DAOA: variants seen among roughly 807,000 people sequenced by gnomAD.
DAOA encodes the protein D-amino acid oxidase activator.
DAOA carries 15 observed loss-of-function variants against 16.4 expected under a neutral mutation model. That is an observed-to-expected ratio of 0.91 (90% confidence interval 0.61 to 1.41). The LOEUF (loss-of-function observed/expected upper bound fraction) is 1.41. Among genes scored for constraint, DAOA ranks in the 40% most tolerant of loss-of-function variants. The pLI is 0.00. For missense variants in DAOA, 230 were observed against 176.8 expected (o/e 1.30, Z -1.71); for synonymous variants, 75 against 59.1 (o/e 1.27, Z -1.23).
chr13:105,484,383 T>A (rs7139958), intron 4 of DAOA, among the ~76,000 whole-genome samples: 50,593 of 151,972 alleles, frequency 0.33, 10,094 homozygotes, highest in East Asian at 0.6. Flanking sequence ...TTGCTGGGAT[T>A]ACAGGGAAGC....
chr13:105,477,109 A>C (rs1877393718), intron 4 of DAOA: 1 of 152,178 alleles, frequency 6.6e-6, no homozygotes, highest in Non-Finnish European at 1.5e-5. Context: ...TACATCTTTC[A>C]ATCAGGCTCA....
intron 4 of DAOA, among the ~76,000 whole-genome samples, chr13:105,487,492 C>A (rs1421395031): frequency 1.3e-5 from 2 of 151,810 alleles, no homozygotes; most frequent in African/African-American, 4.8e-5. Flanking sequence ...TTTTAGAAAT[C>A]ATTTCCTCTC....
At chr13:105,478,607 C>A (rs533710249) in intron 4 of DAOA, among the ~76,000 whole-genome samples, 2 of 152,150 alleles carry the variant, frequency 1.3e-5, no homozygotes, top group Admixed American at 6.6e-5. Flanking sequence ...TAGACTAGAA[C>A]CTTCTCTGCA....
At chr13:105,489,672 C>A in intron 4 of DAOA, 1 of 978,006 alleles carries the variant, frequency 1.0e-6, no homozygotes, top group Non-Finnish European at 1.5e-6. Context: ...TTTTCACAGT[C>A]TTTCTTTGAA....
intron 4 of DAOA, among the ~76,000 whole-genome samples, chr13:105,488,371 A>T (rs1247453522): frequency 6.6e-6 from 1 of 152,242 alleles, no homozygotes; most frequent in Non-Finnish European, 1.5e-5. Flanking sequence ...TAACGTGATT[A>T]TAATCTTTTT....
At position 105,490,016 on chromosome 13, in the gene DAOA, A is replaced by T; in HGVS notation, c.397A>T (p.Asn133Tyr). 8 of 1,610,946 alleles carry T rather than the reference A, an allele frequency of 5.0e-6. No homozygotes were observed. Among genetic ancestry groups the T allele is most frequent in the Non-Finnish European group, 6.8e-6 (8 of 1,178,574 alleles). ...GCCTCTAGAACGAATGTGGACCTGC[A>T]ACTACAACCAGCAAAAAGACCAGTC... is the stretch of plus-strand genomic sequence containing the variant. ...RQPLERMWTC[N>Y]YNQQKDQSCN... The change falls in exon 5 of 6, where the codon AAC becomes TAC. Residue 133 changes from asparagine (N) to tyrosine (Y), a missense_variant. Asn to Tyr is a moderately radical substitution (Grantham distance 143). Transcript: ENST00000375936.
intron 4 of DAOA, among the ~76,000 whole-genome samples, chr13:105,473,507 C>A (rs1393246521): frequency 6.6e-6 from 1 of 151,808 alleles, no homozygotes; most frequent in South Asian, 2.1e-4. Flanking sequence ...AATGTTTAAC[C>A]AAATAATTTA....
intron 4 of DAOA, chr13:105,475,169 A>C (rs1438837607): frequency 5.1e-6 from 2 of 389,274 alleles, no homozygotes; most frequent in Non-Finnish European, 7.0e-6. Context: ...TTCATTCTTA[A>C]ACCACACTCT....
chr13:105,485,649 G>A (rs1233115997), intron 4 of DAOA, among the ~76,000 whole-genome samples: 1 of 152,128 alleles, frequency 6.6e-6, no homozygotes, highest in Non-Finnish European at 1.5e-5. Context: ...CAGTTAAAAT[G>A]AGGTCATTAG....
chr13:105,487,249 C>T (rs906397447), intron 4 of DAOA, among the ~76,000 whole-genome samples: 24 of 152,114 alleles, frequency 1.6e-4, no homozygotes, highest in Non-Finnish European at 2.2e-4. Flanking sequence ...GCTTCTGCTC[C>T]CCATTGACTC....
chr13:105,469,007 T>C (rs1876737736), intron 3 of DAOA, among the ~76,000 whole-genome samples: 1 of 152,202 alleles, frequency 6.6e-6, no homozygotes, highest in Non-Finnish European at 1.5e-5. Context: ...ATCAAATCAA[T>C]CTTTACTTTA....
chr13:105,472,815 A>G (rs1877066061), intron 4 of DAOA, 130 bp downstream of exon 4: 1 of 734,348 alleles, frequency 1.4e-6, no homozygotes, highest in Non-Finnish European at 2.0e-6. Context: ...TATCTAGCTC[A>G]GAGATTATTT....
At chr13:105,479,075 A>G (rs1877533942) in intron 4 of DAOA, among the ~76,000 whole-genome samples, 1 of 152,198 alleles carries the variant, frequency 6.6e-6, no homozygotes, top group African/African-American at 2.4e-5. Context: ...GGTGCACAGG[A>G]CCATTTATCT....
In DAOA at chr13:105,466,720, C is replaced by G. The variant is rs72549466; in HGVS notation, c.45-333C>G. Among the ~76,000 whole-genome samples the G allele has an allele frequency of 1.5e-3, 226 of 152,168 alleles. 1 individual carries two copies. In the South Asian group the frequency reaches 0.016, roughly 11 times the overall value. ...TTAGCACTGTGTAGAACTGGGATAA[C>G]TTTGTGCTTATTTTGCAGTTAAAAG... is the stretch of plus-strand genomic sequence containing the variant. On this transcript the variant is annotated intron_variant, in intron 2 of 5. Transcript: ENST00000375936.
intron 4 of DAOA, among the ~76,000 whole-genome samples, chr13:105,485,090 T>A (rs1294249029): frequency 6.6e-6 from 1 of 152,184 alleles, no homozygotes; most frequent in Non-Finnish European, 1.5e-5. Flanking sequence ...AAATGTTTAA[T>A]GTTGATGTCA....
intron 4 of DAOA, among the ~76,000 whole-genome samples, chr13:105,473,237 C>A (rs7323828): frequency 0.8 from 121,233 of 151,806 alleles, 48,755 homozygotes; most frequent in East Asian, 1. Context: ...GATTATTTTC[C>A]ACTGTTTGAC....
At chr13:105,485,013 T>G (rs988475542) in intron 4 of DAOA, among the ~76,000 whole-genome samples, 12 of 152,200 alleles carry the variant, frequency 7.9e-5, no homozygotes, top group African/African-American at 2.7e-4. Context: ...GTTTGTTTTT[T>G]CTTATGGCAG....
At chr13:105,473,743 A>G (rs1877153432) in intron 4 of DAOA, among the ~76,000 whole-genome samples, 1 of 152,100 alleles carries the variant, frequency 6.6e-6, no homozygotes, top group African/African-American at 2.4e-5. Context: ...AAAGTAGTAG[A>G]GGCTATAGTT....
chr13:105,470,872 G>T (rs558782389), intron 3 of DAOA, among the ~76,000 whole-genome samples: 2 of 152,104 alleles, frequency 1.3e-5, no homozygotes, highest in Non-Finnish European at 2.9e-5. Context: ...CTCACTGCAA[G>T]CTCCGCCTCC....
Sources: allele counts gnomAD v4.1 joint callset (sites outside exome capture counted in the v4.1 genomes callset), GRCh38; gene constraint gnomAD v4.1.1; transcripts MANE v1.5; gene names NCBI Gene and HGNC (gene_info 2026-07-23, HGNC 2026-07-21).